The following STARD8 variants were observed in gnomAD, a reference collection of about 807,000 sequenced individuals.
The protein encoded by STARD8 is stAR-related lipid transfer protein 8.
In STARD8, 25 loss-of-function variants were observed where a neutral mutation model predicts 69.4. The observed-to-expected ratio is 0.36, with a 90% CI of 0.26 to 0.50. The LOEUF is 0.50. Among genes scored for constraint, STARD8 ranks in the 20% least tolerant of loss-of-function variants. STARD8 has a pLI of 0.96. For synonymous variants in STARD8, 389 were observed against 374.6 expected (o/e 1.04, Z -0.45); for missense variants, 921 against 932.5 (o/e 0.99, Z 0.16).
chrX:68,716,450 T>G lies in STARD8; in HGVS notation c.297+19T>G. On this transcript the variant is annotated intron_variant, in intron 5 of 14. Transcript: ENST00000374599. ...CAAGCAGGTGAGTCATGGCAAAGCG[T>G]GGGTCTGTGGTCTTGTGGTGCCATA... 1 of 1,206,735 alleles carries G rather than the reference T, an allele frequency of 8.3e-7. No homozygotes were observed. The highest frequency in any genetic ancestry group is 1.1e-6 in the Non-Finnish European group (1 of 891,457).
chrX:68,691,413 G>A (rs752499105), intron 2 of STARD8, among the ~76,000 whole-genome samples: 5 of 111,804 alleles, frequency 4.5e-5, no homozygotes, highest in Non-Finnish European at 7.5e-5. Flanking sequence ...ATCCATGCAA[G>A]ACTCAGGGGC....
intron 9 of STARD8, 88 bp from the exon 10 acceptor site, chrX:68,721,448 G>A (rs2080147793): frequency 9.8e-7 from 1 of 1,022,319 alleles, no homozygotes; most frequent in Non-Finnish European, 1.3e-6. Context: ...TGGGACTGCT[G>A]TGCCTTTTGC....
chrX:68,707,654 G>A (rs1381890846), intron 2 of STARD8, among the ~76,000 whole-genome samples: 1 of 111,515 alleles, frequency 9.0e-6, no homozygotes, highest in Non-Finnish European at 1.9e-5. Flanking sequence ...GGAATGGGAC[G>A]GGACACCCAA....
At chrX:68,691,012 G>A (rs1050433835) in intron 2 of STARD8, among the ~76,000 whole-genome samples, 1 of 111,647 alleles carries the variant, frequency 9.0e-6, no homozygotes, top group Non-Finnish European at 1.9e-5. Context: ...TTTGTACCCA[G>A]GCCATCTTGC....
At position 68,718,062 on chromosome X, in the gene STARD8, G is replaced by A. The variant is rs1316756394; in HGVS notation, c.1148G>A (p.Gly383Asp). 1 of 1,209,448 alleles carries A rather than the reference G, an allele frequency of 8.3e-7. No homozygotes were observed. Among genetic ancestry groups the A allele is most frequent in the Non-Finnish European group, 1.1e-6 (1 of 894,932 alleles). The change falls in exon 6 of 15, where the codon GGC (glycine) becomes GAC (aspartate). Residue 383 changes from glycine to aspartate, a missense_variant. Gly to Asp is a moderately conservative substitution (Grantham distance 94, BLOSUM62 -1). Transcript: ENST00000374599. ...AEDEDDEESG[G>D]SYAHLDDILQ... The stretch of plus-strand genomic sequence containing the variant: ...GATGAAGATGATGAGGAGAGTGGGG[G>A]CAGCTATGCTCACCTAGACGACATC...
At chrX:68,651,990 G>C (rs2079550620) in intron 1 of STARD8, among the ~76,000 whole-genome samples, 1 of 107,523 alleles carries the variant, frequency 9.3e-6, no homozygotes, top group Non-Finnish European at 1.9e-5. Context: ...TGGAATTACA[G>C]GCGCCCGCCA....
rs1184711877 is a variant in STARD8 at position 68,677,860 on chromosome X, C to CAT, written c.79+12336_79+12337dup. 6.2e-5 allele frequency among the ~76,000 whole-genome samples: 5 copies of CAT among 80,506 alleles called. No individual in the cohort carries two copies. The East Asian group carries it at 1.4e-3, about 23-fold the overall frequency. 69.9% of individuals were successfully genotyped at this position (80,506 alleles called of 115,157 possible). ...CCACCCACCCCCCCAATGTATGATA[C>CAT]ATATATATAGAGAGAGAGGAAGTAG... On this transcript the variant is annotated intron_variant, in intron 2 of 14. Coordinates refer to ENST00000374599, the MANE Select transcript of STARD8 (RefSeq NM_001142503.3).
chrX:68,682,084 C>T (rs1415627502), intron 2 of STARD8, among the ~76,000 whole-genome samples: 7 of 108,870 alleles, frequency 6.4e-5, no homozygotes, highest in African/African-American at 2.4e-4. Flanking sequence ...CTGCAACCTC[C>T]GCCTCCCGGT....
At chrX:68,690,927 G>T (rs970946242) in intron 2 of STARD8, among the ~76,000 whole-genome samples, 1 of 112,191 alleles carries the variant, frequency 8.9e-6, no homozygotes, top group Non-Finnish European at 1.9e-5. Context: ...GAAGGTCAGG[G>T]TTGTGATGAT....
chrX:68,669,763 G>T (rs2079716991), intron 2 of STARD8, among the ~76,000 whole-genome samples: 1 of 112,390 alleles, frequency 8.9e-6, no homozygotes, highest in South Asian at 3.7e-4. Flanking sequence ...CAAGCTCTGA[G>T]GGGGCGGGGA....
At chrX:68,698,401 C>T (rs935872213) in intron 2 of STARD8, among the ~76,000 whole-genome samples, 13 of 111,576 alleles carry the variant, frequency 1.2e-4, no homozygotes, top group African/African-American at 4.3e-4. Context: ...TGGGGTGAGG[C>T]TGTGTGAATG....
intron 3 of STARD8, 61 bp from the exon 4 acceptor site, chrX:68,715,233 C>A: frequency 9.7e-7 from 1 of 1,026,544 alleles, no homozygotes; most frequent in South Asian, 2.1e-5. Flanking sequence ...AGCCCAAGGG[C>A]TGCTGAGGCT....
intron 1 of STARD8, among the ~76,000 whole-genome samples, chrX:68,652,803 ACC>A (rs2079558549): frequency 2.6e-5 from 1 of 39,058 alleles, no homozygotes; most frequent in Non-Finnish European, 4.7e-5. Flanking sequence ...CACACCACAC[ACC>A]ACACACACAC....
intron 2 of STARD8, among the ~76,000 whole-genome samples, chrX:68,688,402 G>T (rs1377858421): frequency 1.8e-5 from 2 of 110,622 alleles, no homozygotes; most frequent in Non-Finnish European, 3.8e-5. Context: ...TGGGGGCAGG[G>T]CGTATAAAAG....
At chrX:68,692,934 T>A (rs1383322046) in intron 2 of STARD8, among the ~76,000 whole-genome samples, 1 of 113,029 alleles carries the variant, frequency 8.8e-6, no homozygotes, top group African/African-American at 3.2e-5. Context: ...AACAATGAAA[T>A]CAAGGTTGTG....
At chrX:68,710,040 TG>T (rs2080037849) in intron 2 of STARD8, among the ~76,000 whole-genome samples, 1 of 111,283 alleles carries the variant, frequency 9.0e-6, no homozygotes. Flanking sequence ...CCTGGGGGGC[TG>T]GGGTTGGTTC....
chrX:68,654,454 A>T (rs181039986), intron 1 of STARD8, among the ~76,000 whole-genome samples: 40 of 111,794 alleles, frequency 3.6e-4, no homozygotes, highest in African/African-American at 1.3e-3. Context: ...TGGACTGGGA[A>T]GGCTCATAGA....
chrX:68,722,693 G>A (rs374250407), intron 12 of STARD8, 47 bp downstream of exon 12: 4 of 1,157,875 alleles, frequency 3.5e-6, no homozygotes, highest in Non-Finnish European at 2.3e-6. Flanking sequence ...GGAGAGCATG[G>A]TGCAGGCAAG....
chrX:68,716,561 C>CT, intron 5 of STARD8, 130 bp downstream of exon 5: 1 of 604,649 alleles, frequency 1.7e-6, no homozygotes, highest in Non-Finnish European at 2.5e-6. Flanking sequence ...TGCCTTTCCC[C>CT]AGCTAGGGGT....
Sources: gnomAD v4.1 joint callset for allele counts (sites outside exome capture counted in the v4.1 genomes callset) on GRCh38, gnomAD v4.1.1 for gene constraint, MANE v1.5 for transcripts, NCBI Gene and HGNC (gene_info 2026-07-23, HGNC 2026-07-21) for gene names.